Variants in DNAH14 observed in about 807,000 individuals in gnomAD.
DNAH14 encodes the protein axonemal beta dynein heavy chain 14.
Under a neutral mutation model 520.9 loss-of-function variants are expected in DNAH14, and 478 were observed. The ratio of observed to expected loss-of-function variants is 0.92; its 90% confidence interval spans 0.85 to 0.99. The LOEUF is 0.99. DNAH14 is among the 50% of genes least tolerant of loss of function. DNAH14 has a pLI of 0.00. For missense variants in DNAH14, 4,831 were observed against 5,234.5 expected (o/e 0.92, Z 2.38); for synonymous variants, 1,581 against 1,757.2 (o/e 0.90, Z 2.51).
intron 11 of DNAH14, among the ~76,000 whole-genome samples, chr1:225,028,053 A>C (rs921515982): frequency 4.6e-5 from 7 of 152,024 alleles, no homozygotes; most frequent in Non-Finnish European, 7.4e-5. Context: ...TTTGTTGAAA[A>C]TGTTCACATC....
At position 225,367,982 on chromosome 1, in the gene DNAH14, G is replaced by T; in HGVS notation, c.12268G>T (p.Gly4090Ter). The T allele has an allele frequency of 6.4e-7, 1 of 1,551,024 alleles. No individual in the cohort carries two copies. The highest frequency in any genetic ancestry group is 2.4e-5 in the East Asian group (1 of 40,920). The change falls in exon 77 of 86, where the codon GGA becomes TGA. Residue 4090 changes from glycine (G) to a stop codon, truncating the protein, a stop_gained. Coordinates refer to ENST00000682510, the MANE Select transcript of DNAH14 (RefSeq NM_001367479.1). LOFTEE classifies it high-confidence loss of function. The stretch of plus-strand genomic sequence containing the variant: ...TGTAATCAATGAAAGAAAAAATTAC[G>T]GAATATTGGGCTGGAATATTGCTTA... ...NAVINERKNY[G>*]ILGWNIAYKF...
rs1271813339 is a variant in DNAH14, at chr1:225,259,174, G to A, written c.7078G>A (p.Glu2360Lys). 6.5e-7 allele frequency: 1 copy of A among 1,545,846 alleles called. No homozygotes were observed. Among genetic ancestry groups the A allele is most frequent in the Non-Finnish European group, 8.7e-7 (1 of 1,145,014 alleles). The change falls in exon 46 of 86, where the codon GAG becomes AAG. Residue 2360 changes from glutamate (E) to lysine (K), a missense_variant. Coordinates refer to ENST00000682510, the MANE Select transcript of DNAH14 (RefSeq NM_001367479.1). ...AAINQMLEKL[E>K]GPGAFDIKHG... ...CATTAATCAAATGCTTGAAAAGCTAGAGGGTCCAGGAGCATTTGACATAAA... is the reference window on the plus strand; with the variant it reads ...CATTAATCAAATGCTTGAAAAGCTAAAGGGTCCAGGAGCATTTGACATAAA...
At chr1:224,945,767 T>C (rs2059772059) in intron 1 of DNAH14, among the ~76,000 whole-genome samples, 1 of 152,292 alleles carries the variant, frequency 6.6e-6, no homozygotes, top group African/African-American at 2.4e-5. Context: ...CCAGACCCTG[T>C]TTGCCTGGGT....
chr1:225,229,088 T>A (rs1365400277), intron 41 of DNAH14, among the ~76,000 whole-genome samples: 1 of 152,202 alleles, frequency 6.6e-6, no homozygotes, highest in African/African-American at 2.4e-5. Flanking sequence ...GCCTTTGTCA[T>A]TAAATCTGTA....
At chr1:225,226,341 C>T (rs1403026903) in intron 41 of DNAH14, among the ~76,000 whole-genome samples, 1 of 152,214 alleles carries the variant, frequency 6.6e-6, no homozygotes, top group Non-Finnish European at 1.5e-5. Context: ...TATAAAAGTT[C>T]TAACCTTTAT....
chr1:225,333,406 G>T lies in DNAH14; in HGVS notation c.9980G>T (p.Arg3327Leu), dbSNP rs1315506273. Residue 3327 changes from arginine (R) to leucine (L), a missense_variant, in exon 66 of 86, where the codon CGC becomes CTC. Arg to Leu is a moderately radical substitution (Grantham distance 102). Coordinates refer to ENST00000682510, the MANE Select transcript of DNAH14 (RefSeq NM_001367479.1). ...VYSGILTPEF[R>L]QLIVNKWETF... ...AGTGGAATTTTAACACCAGAATTTC[G>T]CCAGTTGATTGTGAATAAATGGGAG... The T allele has an allele frequency of 3.9e-6, 6 of 1,551,332 alleles. No individual in the cohort carries two copies. The highest frequency in any genetic ancestry group is 1.2e-5 in the South Asian group (1 of 84,056).
intron 16 of DNAH14, among the ~76,000 whole-genome samples, chr1:225,050,647 T>C (rs985579972): frequency 1.3e-5 from 2 of 152,214 alleles, no homozygotes; most frequent in African/African-American, 4.8e-5. Flanking sequence ...ATACCTCAAC[T>C]CTTTCCATTA....
chr1:225,304,992 G>A lies in DNAH14; in HGVS notation c.8908G>A (p.Gly2970Arg). The change falls in exon 58 of 86, where the codon GGA (glycine) becomes AGA (arginine). Residue 2970 changes from glycine to arginine, a missense_variant. Coordinates refer to ENST00000682510, the MANE Select transcript of DNAH14 (RefSeq NM_001367479.1). Reference sequence around the variant, plus strand: ...GAACAGAAAATACTTTGAAGAAACTGGAAGATTTTATTATACCACTCCCAA... The same window carrying A: ...GAACAGAAAATACTTTGAAGAAACTAGAAGATTTTATTATACCACTCCCAA... ...DLNRKYFEET[G>R]RFYYTTPNSY... The A allele has an allele frequency of 1.3e-6, 2 of 1,547,034 alleles. No individual in the cohort carries two copies. The highest frequency in any genetic ancestry group is 1.2e-5 in the South Asian group (1 of 82,174).
At chr1:224,935,806 A>G (rs1317377183) in intron 1 of DNAH14, among the ~76,000 whole-genome samples, 1 of 151,868 alleles carries the variant, frequency 6.6e-6, no homozygotes, top group Admixed American at 6.6e-5. Context: ...CAGACTAGAT[A>G]TTAGGCCACA....
At chr1:225,236,300 G>A (rs2091573547) in intron 42 of DNAH14, among the ~76,000 whole-genome samples, 1 of 152,180 alleles carries the variant, frequency 6.6e-6, no homozygotes, top group South Asian at 2.1e-4. Context: ...AGTCATTGAG[G>A]AGCACGTTGT....
At chr1:225,364,357 T>A (rs1015395438) in intron 75 of DNAH14, among the ~76,000 whole-genome samples, 1 of 152,226 alleles carries the variant, frequency 6.6e-6, no homozygotes, top group Non-Finnish European at 1.5e-5. Context: ...TATTTAATGA[T>A]GTTCTCCTAT....
intron 1 of DNAH14, among the ~76,000 whole-genome samples, chr1:224,943,666 G>A (rs1465209486): frequency 2.0e-5 from 3 of 151,940 alleles, no homozygotes; most frequent in Non-Finnish European, 4.4e-5. Context: ...ACTGCTTTGA[G>A]TGTGTCTCAG....
intron 17 of DNAH14, among the ~76,000 whole-genome samples, chr1:225,073,991 G>GTTT (rs34546228): frequency 1.8e-4 from 10 of 55,044 alleles, no homozygotes; most frequent in East Asian, 5.5e-4. Flanking sequence ...GTTTTAGGAA[G>GTTT]TTTTTTTTTT....
chr1:225,081,243 C>A (rs2073081278), intron 19 of DNAH14, among the ~76,000 whole-genome samples: 2 of 152,140 alleles, frequency 1.3e-5, no homozygotes, highest in Admixed American at 6.5e-5. Flanking sequence ...TTTGTTTCAC[C>A]TGGCCAAGAG....
intron 61 of DNAH14, among the ~76,000 whole-genome samples, chr1:225,319,335 G>A (rs1197352786): frequency 6.6e-6 from 1 of 152,140 alleles, no homozygotes; most frequent in African/African-American, 2.4e-5. Context: ...GAATCTTTGG[G>A]TGAGATAATT....
At chr1:225,303,112 C>A in intron 56 of DNAH14, 44 bp from the exon 57 acceptor site, 2 of 1,287,202 alleles carry the variant, frequency 1.6e-6, no homozygotes, top group Non-Finnish European at 2.1e-6. Flanking sequence ...TTTTTCAAAA[C>A]AGTGGATTAC....
intron 56 of DNAH14, 72 bp downstream of exon 56, chr1:225,301,102 A>T: frequency 7.0e-7 from 1 of 1,419,448 alleles, no homozygotes; most frequent in African/African-American, 1.5e-5. Context: ...TCTGTACATG[A>T]TTTTCAAGTT....
rs758256033 is a variant in DNAH14 at position 225,153,778 on chromosome 1, T to G, written c.5225T>G (p.Leu1742Arg). ...QDHYNFGLRS[L>R]KIVLIMAGTK... Reference sequence around the variant, plus strand: ...CATTATAATTTTGGCTTGAGATCTCTGAAGATAGTTTTAATAATGGCTGGA... The same window carrying G: ...CATTATAATTTTGGCTTGAGATCTCGGAAGATAGTTTTAATAATGGCTGGA... The change falls in exon 34 of 86, where the codon CTG (leucine) becomes CGG (arginine). Residue 1742 changes from leucine (L) to arginine (R), a missense_variant. Transcript: ENST00000682510. 3 of 1,549,746 alleles carry G rather than the reference T, an allele frequency of 1.9e-6. No homozygotes were observed. Among genetic ancestry groups the G allele is most frequent in the Non-Finnish European group, 2.6e-6 (3 of 1,145,838 alleles).
intron 12 of DNAH14, among the ~76,000 whole-genome samples, chr1:225,041,233 G>A (rs2067454742): frequency 6.6e-6 from 1 of 152,194 alleles, no homozygotes; most frequent in Non-Finnish European, 1.5e-5. Context: ...ACTGTACAGA[G>A]CTCAAAATGT....
Sources: gnomAD v4.1 joint callset for allele counts (sites outside exome capture counted in the v4.1 genomes callset) on GRCh38, gnomAD v4.1.1 for gene constraint, MANE v1.5 for transcripts, NCBI Gene and HGNC (gene_info 2026-07-23, HGNC 2026-07-21) for gene names.